The following RBPJ variants were observed in gnomAD, a reference collection of about 807,000 sequenced individuals.
RBPJ encodes the protein recombining binding protein suppressor of hairless.
Under a neutral mutation model 67.8 loss-of-function variants are expected in RBPJ, and 9 were observed. That is an observed-to-expected ratio of 0.13 (90% CI 0.08 to 0.23). RBPJ has a LOEUF of 0.23. Ranked by LOEUF, RBPJ falls within the 10% of genes least tolerant of loss-of-function variation. The pLI is 1.00. For missense variants in RBPJ, 305 were observed against 595.6 expected (o/e 0.51, Z 5.08); for synonymous variants, 198 against 203.3 (o/e 0.97, Z 0.22).
At chr4:26,115,522 C>A in the RBPJ span, among the ~76,000 whole-genome samples, 1 of 152,126 alleles carries the variant, frequency 6.6e-6, no homozygotes, top group South Asian at 2.1e-4. Context: ...GAAGCTGGGA[C>A]TACAGGCGCG....
chr4:26,140,452 C>G, the RBPJ span, among the ~76,000 whole-genome samples: 1 of 152,172 alleles, frequency 6.6e-6, no homozygotes, highest in East Asian at 1.9e-4. Context: ...TCTGGTGTCA[C>G]TCTCCCCCAA....
chr4:26,264,295 T>C lies in RBPJ; in HGVS notation c.-166-98151T>C, dbSNP rs1159417640. The stretch of plus-strand genomic sequence containing the variant: ...ATCAATGAATACTTATTAATTCAGA[T>C]CTTAGTAATTAATTATTATTAATAC... On this transcript the variant is annotated intron_variant, in intron 1 of 4. Transcript: ENST00000512351. The surrounding 1 kb of genome is among the most constrained non-coding windows in gnomAD (Gnocchi z 4.1). Among the ~76,000 whole-genome samples, 1 of 152,234 alleles carries C rather than the reference T, an allele frequency of 6.6e-6. No homozygotes were observed. Among genetic ancestry groups the C allele is most frequent in the African/African-American group, 2.4e-5 (1 of 41,458 alleles).
At chr4:26,165,646 C>G (rs1207351150) in intron 1 of RBPJ, among the ~76,000 whole-genome samples, 1 of 151,924 alleles carries the variant, frequency 6.6e-6, no homozygotes, top group Non-Finnish European at 1.5e-5. Context: ...AAATTCCCAT[C>G]ATTAATGATG....
rs1560345331 is a variant in RBPJ, at chr4:26,424,510, T to C, written c.634+31T>C. 6.2e-7 allele frequency: 1 copy of C among 1,606,532 alleles called. No individual in the cohort carries two copies. Among genetic ancestry groups the C allele is most frequent in the Non-Finnish European group, 8.5e-7 (1 of 1,175,488 alleles). ...TATAAAAGTGTGCATTTAATGTTTT[T>C]AGTGTGAAATTGTTAAAATCTTTTG... On this transcript the variant is annotated intron_variant, in intron 6 of 10. Transcript: ENST00000355476. The surrounding 1 kb of genome is among the most constrained non-coding windows in gnomAD (Gnocchi z 5.3).
chr4:26,316,595 AATATATATATACACATATTG>A (rs1160440717), upstream of RBPJ, among the ~76,000 whole-genome samples: 61 of 121,490 alleles, frequency 5.0e-4, no homozygotes, highest in Admixed American at 9.8e-4. Flanking sequence ...TCATATATAT[AATATATATATACACATATTG>A]ATATATATAT....
At chr4:26,341,735 C>G (rs544862507) in intron 1 of RBPJ, among the ~76,000 whole-genome samples, 2 of 152,016 alleles carry the variant, frequency 1.3e-5, no homozygotes, top group Non-Finnish European at 2.9e-5. Flanking sequence ...AGACAAAAAC[C>G]TAAATGGAGT....
At chr4:26,249,674 G>C (rs1720036758) in intron 1 of RBPJ, among the ~76,000 whole-genome samples, 1 of 151,704 alleles carries the variant, frequency 6.6e-6, no homozygotes, top group East Asian at 1.9e-4. Context: ...CACACAAAAA[G>C]TAATGGCAAA....
the RBPJ span, among the ~76,000 whole-genome samples, chr4:26,145,932 T>TTTTG: frequency 2.8e-4 from 42 of 152,180 alleles, 1 homozygote; most frequent in East Asian, 9.6e-4. Context: ...TTGGTCAATT[T>TTTTG]TTTGTTTGTT....
intron 1 of RBPJ, among the ~76,000 whole-genome samples, chr4:26,202,954 AAAGG>A (rs1718033731): frequency 1.6e-5 from 2 of 123,720 alleles, no homozygotes; most frequent in Non-Finnish European, 3.3e-5. Flanking sequence ...AGGAAGGAAG[AAAGG>A]AAGGAAGGAA....
intron 1 of RBPJ, among the ~76,000 whole-genome samples, chr4:26,255,662 C>A (rs1366661725): frequency 6.6e-6 from 1 of 151,130 alleles, no homozygotes; most frequent in Non-Finnish European, 1.5e-5. Flanking sequence ...ATTAGCCAGG[C>A]GTGGTGGCAG....
chr4:26,172,433 G>C lies in RBPJ; in HGVS notation c.-167+8819G>C, dbSNP rs541854845. Among the ~76,000 whole-genome samples, 258 of 152,268 alleles carry C rather than the reference G, an allele frequency of 1.7e-3. 2 individuals are homozygous for C. Among genetic ancestry groups the C allele is most frequent in the Middle Eastern group, 3.4e-3 (1 of 292 alleles). On this transcript the variant is annotated intron_variant, in intron 1 of 4. Transcript: ENST00000512351. ...ACTCTTAGGATAAATTTTCTGCCACGGGCGATCTAGCAGCAATCCCCTCTG... is the reference window on the plus strand; with the variant it reads ...ACTCTTAGGATAAATTTTCTGCCACCGGCGATCTAGCAGCAATCCCCTCTG...
At chr4:26,301,461 G>A (rs1426965212) in intron 1 of RBPJ, among the ~76,000 whole-genome samples, 2 of 151,716 alleles carry the variant, frequency 1.3e-5, no homozygotes, top group African/African-American at 2.4e-5. Flanking sequence ...GCGTGGTGGC[G>A]GGCGCCTGTA....
intron 1 of RBPJ, among the ~76,000 whole-genome samples, chr4:26,304,187 T>A (rs971078559): frequency 6.6e-6 from 1 of 152,260 alleles, no homozygotes; most frequent in African/African-American, 2.4e-5. Context: ...TTTCATACTT[T>A]ATGTCTTTTT....
chr4:26,364,704 G>A (rs1728443945), intron 1 of RBPJ, among the ~76,000 whole-genome samples: 1 of 143,496 alleles, frequency 7.0e-6, no homozygotes, highest in African/African-American at 2.6e-5. Context: ...TCGGCTCACT[G>A]CAACCTCTAC....
Position 26,430,199 on chromosome 4 carries a change from G to GA in RBPJ, c.1044+155dup, listed in dbSNP as rs3214341. 0.012 allele frequency: 11,557 copies of GA among 972,672 alleles called. 94 individuals are homozygous for GA. Among genetic ancestry groups the GA allele is most frequent in the African/African-American group, 0.057 (3,382 of 59,374 alleles). The allele number at this position is 972,672 out of a possible 1,614,324, so 60.3% of individuals were successfully genotyped here. The stretch of plus-strand genomic sequence containing the variant: ...TATATACACCATTTGTTGATTTAAA[G>GA]AAAAAAAAACAAAATTAGGAGGAGC... On this transcript the variant is annotated intron_variant, in intron 9 of 10. Transcript: ENST00000355476. This position sits in a 1 kb window ranked among gnomAD's most constrained non-coding sequence, Gnocchi z 4.1.
At chr4:26,260,264 T>C (rs930318193) in intron 1 of RBPJ, among the ~76,000 whole-genome samples, 1 of 152,254 alleles carries the variant, frequency 6.6e-6, no homozygotes, top group African/African-American at 2.4e-5. Flanking sequence ...ACATATCTTG[T>C]TTCATGTACT....
intron 1 of RBPJ, among the ~76,000 whole-genome samples, chr4:26,380,420 A>G (rs1479952682): frequency 2.6e-5 from 4 of 152,296 alleles, no homozygotes; most frequent in East Asian, 3.9e-4. Context: ...TATTTGGTGA[A>G]TGAACAAATC....
At chr4:26,358,898 T>G in intron 1 of RBPJ, among the ~76,000 whole-genome samples, 1 of 152,230 alleles carries the variant, frequency 6.6e-6, no homozygotes, top group Non-Finnish European at 1.5e-5. Flanking sequence ...TCTAAGTGCC[T>G]TACATGTATT....
chr4:26,333,846 T>C (rs1724507251), intron 1 of RBPJ, among the ~76,000 whole-genome samples: 1 of 152,092 alleles, frequency 6.6e-6, no homozygotes, highest in African/African-American at 2.4e-5. Flanking sequence ...TGCACTACCA[T>C]GCCTGCCTAA....
Sources: gnomAD v4.1 joint callset for allele counts (sites outside exome capture counted in the v4.1 genomes callset) on GRCh38, gnomAD v4.1.1 for gene constraint, Gnocchi (gnomAD v3.1) non-coding constraint, MANE v1.5 for transcripts, NCBI Gene and HGNC (gene_info 2026-07-23, HGNC 2026-07-21) for gene names.